KMT2C: variants seen among roughly 807,000 people sequenced by gnomAD.
KMT2C encodes the protein lysine methyltransferase 2C.
Under a neutral mutation model 507.9 loss-of-function variants are expected in KMT2C, and 88 were observed. The ratio of observed to expected loss-of-function variants is 0.17; its 90% CI spans 0.15 to 0.21. KMT2C has a LOEUF of 0.21. Ranked by LOEUF, KMT2C falls within the 10% of genes least tolerant of loss-of-function variation. KMT2C has a pLI of 1.00. For missense variants in KMT2C, 4,954 were observed against 5,957.8 expected (o/e 0.83, Z 5.55); for synonymous variants, 2,049 against 2,080.8 (o/e 0.98, Z 0.42).
At chr7:152,293,385 G>C (rs1201514579) in intron 6 of KMT2C, among the ~76,000 whole-genome samples, 1 of 152,090 alleles carries the variant, frequency 6.6e-6, no homozygotes, top group Non-Finnish European at 1.5e-5. Context: ...AAACAAGTTA[G>C]AAACTGTTAA....
chr7:152,249,981 T>TTAG, intron 12 of KMT2C, 28 bp from the exon 13 acceptor site: 1 of 1,463,866 alleles, frequency 6.8e-7, no homozygotes, highest in Non-Finnish European at 9.6e-7. Context: ...ATAAAATCTC[T>TTAG]AAGGAGTCAA....
At chr7:152,197,395 G>A (rs1173910854) in intron 27 of KMT2C, among the ~76,000 whole-genome samples, 2 of 152,106 alleles carry the variant, frequency 1.3e-5, no homozygotes, top group African/African-American at 4.8e-5. Flanking sequence ...CTTAAAAGGG[G>A]GAGGAGGGCA....
chr7:152,208,671 A>G (rs1032104236), intron 23 of KMT2C, among the ~76,000 whole-genome samples: 3 of 152,252 alleles, frequency 2.0e-5, no homozygotes, highest in African/African-American at 7.2e-5. Flanking sequence ...ATTGTATTAC[A>G]GGAAAAAGAC....
In KMT2C at chr7:152,182,456, G is replaced by T. The variant is rs1425340331; in HGVS notation, c.5404C>A (p.Pro1802Thr). Residue 1802 changes from proline to threonine, a missense_variant, in exon 36 of 59, where the codon CCA (proline) becomes ACA (threonine). Around this residue, in one of 29 missense-constraint regions of KMT2C, gnomAD observed 1,689 missense variants for 1,654.3 expected, o/e 1.02. Coordinates refer to ENST00000262189, the MANE Select transcript of KMT2C (RefSeq NM_170606.3). ...HLLVQSGSDT[P>T]SSGIQSPLTP... ...AAGGGACTCTGTATCCCACTACTTG[G>T]TGTATCTGAACCAGACTGCACCAGA... The T allele has an allele frequency of 1.2e-6, 2 of 1,614,092 alleles. No individual in the cohort carries two copies. Among genetic ancestry groups the T allele is most frequent in the Non-Finnish European group, 8.5e-7 (1 of 1,179,964 alleles).
chr7:152,265,290 G>C (rs2129173764), intron 7 of KMT2C, 81 bp from the exon 8 acceptor site: 1 of 1,570,968 alleles, frequency 6.4e-7, no homozygotes, highest in Non-Finnish European at 8.7e-7. Flanking sequence ...CATTTGAAAG[G>C]ATTTGCATCA....
chr7:152,355,382 T>C (rs2097143439), intron 2 of KMT2C, among the ~76,000 whole-genome samples: 1 of 152,068 alleles, frequency 6.6e-6, no homozygotes. Context: ...ACAGGTTGTG[T>C]TCAAAGCAAG....
At position 152,135,023 on chromosome 7, in the gene KMT2C, A is replaced by AT; in HGVS notation, c.*1808dup. On this transcript the variant is annotated 3_prime_UTR_variant, in exon 59 of 59. Coordinates refer to ENST00000262189, the MANE Select transcript of KMT2C (RefSeq NM_170606.3). ...CACTCTGTATACTTCAAAAAATTCAATTTTTGCCAACATTAGATACTATTA... is the reference window on the plus strand; with the variant it reads ...CACTCTGTATACTTCAAAAAATTCAATTTTTTGCCAACATTAGATACTATTA... 1 of 228,996 alleles carries AT rather than the reference A, an allele frequency of 4.4e-6. No individual in the cohort carries two copies. Among genetic ancestry groups the AT allele is most frequent in the Non-Finnish European group, 8.7e-6 (1 of 115,152 alleles). 14.2% of individuals were successfully genotyped at this position (228,996 alleles called of 1,614,324 possible).
At chr7:152,266,172 T>G (rs1222395932) in intron 7 of KMT2C, among the ~76,000 whole-genome samples, 3 of 152,156 alleles carry the variant, frequency 2.0e-5, no homozygotes, top group Non-Finnish European at 4.4e-5. Flanking sequence ...CAGTCAAGCC[T>G]ATCATACCAA....
At chr7:152,214,770 G>A (rs1289011668) in intron 23 of KMT2C, among the ~76,000 whole-genome samples, 1 of 150,794 alleles carries the variant, frequency 6.6e-6, no homozygotes, top group Non-Finnish European at 1.5e-5. Context: ...TGAACGTATA[G>A]AGAGTAGAAT....
intron 6 of KMT2C, among the ~76,000 whole-genome samples, chr7:152,279,964 C>A (rs1200044178): frequency 3.9e-5 from 6 of 152,290 alleles, no homozygotes; most frequent in African/African-American, 1.4e-4. Context: ...AATATCATGG[C>A]AAGGATAATG....
chr7:152,432,301 A>G (rs2097869917), intron 1 of KMT2C, among the ~76,000 whole-genome samples: 1 of 152,204 alleles, frequency 6.6e-6, no homozygotes, highest in African/African-American at 2.4e-5. Context: ...TGGCTTCCCA[A>G]CTTGGTAATG....
At chr7:152,286,222 G>A (rs58740073) in intron 6 of KMT2C, among the ~76,000 whole-genome samples, 2,280 of 121,504 alleles carry the variant, frequency 0.019, no homozygotes, top group East Asian at 0.065. Context: ...AGAGGAAGAG[G>A]AGAGAGAAAT....
At chr7:152,257,399 A>G (rs1397263620) in intron 9 of KMT2C, among the ~76,000 whole-genome samples, 1 of 152,246 alleles carries the variant, frequency 6.6e-6, no homozygotes, top group Non-Finnish European at 1.5e-5. Flanking sequence ...AATGGAGTAT[A>G]AATAATAAAC....
chr7:152,247,227 C>A (rs1056287249), intron 14 of KMT2C, among the ~76,000 whole-genome samples: 2 of 152,094 alleles, frequency 1.3e-5, no homozygotes, highest in Non-Finnish European at 2.9e-5. Flanking sequence ...TTTTGCCATG[C>A]AGTTTTACTT....
intron 48 of KMT2C, among the ~76,000 whole-genome samples, chr7:152,153,502 A>C (rs1275782882): frequency 6.6e-6 from 1 of 152,246 alleles, no homozygotes; most frequent in African/African-American, 2.4e-5. Flanking sequence ...TGCTTCTGCA[A>C]AACTATTACT....
At position 152,337,269 on chromosome 7, in the gene KMT2C, T is replaced by C. The variant is rs564583522; in HGVS notation, c.251-6530A>G. 3.4e-4 allele frequency among the ~76,000 whole-genome samples: 51 copies of C among 152,226 alleles called. 2 individuals are homozygous for C. The South Asian group carries it at 4.4e-3, about 13-fold the overall frequency. On this transcript the variant is annotated intron_variant, in intron 2 of 58. Coordinates refer to ENST00000262189, the MANE Select transcript of KMT2C (RefSeq NM_170606.3). ...CTGGGTGACAGAGCAAGTCCCTGTC[T>C]CAACAACAACAATAAAAAAGAGAAC...
At chr7:152,212,946 G>A (rs192599274) in intron 23 of KMT2C, among the ~76,000 whole-genome samples, 1 of 152,354 alleles carries the variant, frequency 6.6e-6, no homozygotes, top group Non-Finnish European at 1.5e-5. Flanking sequence ...TTGGGGGGCT[G>A]AGGCAGCAGA....
At chr7:152,428,553 C>T (rs2097842646) in intron 1 of KMT2C, among the ~76,000 whole-genome samples, 1 of 151,202 alleles carries the variant, frequency 6.6e-6, no homozygotes, top group South Asian at 2.1e-4. Flanking sequence ...ATCACTTGTA[C>T]CCGGGAGGCA....
chr7:152,355,273 G>A (rs2097142799), intron 2 of KMT2C, among the ~76,000 whole-genome samples: 1 of 152,080 alleles, frequency 6.6e-6, no homozygotes, highest in African/African-American at 2.4e-5. Context: ...TGGAAGAGAG[G>A]GTTTCAGGAT....
Sources: gnomAD v4.1 joint callset for allele counts (sites outside exome capture counted in the v4.1 genomes callset) on GRCh38, gnomAD v4.1.1 for gene constraint, gnomAD v4.1.1 regional missense constraint, MANE v1.5 for transcripts, NCBI Gene and HGNC (gene_info 2026-07-23, HGNC 2026-07-21) for gene names.